The following KIAA1549L variants were observed in gnomAD, a reference collection of about 807,000 sequenced individuals.
KIAA1549L encodes UPF0606 protein KIAA1549L.
A neutral mutation model predicts 160.7 loss-of-function variants in KIAA1549L; 88 were observed. The observed-to-expected ratio is 0.55, with a 90% CI of 0.46 to 0.65. KIAA1549L has a LOEUF of 0.65. KIAA1549L is among the 30% of genes least tolerant of loss of function. The probability of loss-of-function intolerance (pLI) is 0.00; values close to 1 mark genes in which losing one functional copy is unlikely to be tolerated. For synonymous variants in KIAA1549L, 950 were observed against 976.7 expected (o/e 0.97, Z 0.51); for missense variants, 2,258 against 2,437.5 (o/e 0.93, Z 1.55).
Position 33,544,211 on chromosome 11 carries a change from C to T in KIAA1549L, c.2648C>T (p.Ala883Val). Residue 883 changes from alanine to valine, a missense_variant, in exon 2 of 21, where the codon GCT becomes GTT. This residue lies in a region of KIAA1549L where 287 missense variants were observed against 292.3 expected (regional missense o/e 0.98). Coordinates refer to ENST00000658780, the MANE Select transcript of KIAA1549L (RefSeq NM_012194.3). ...SDINSSPERN[A>V]STPFQNILGY... ...ATCAATTCATCACCTGAGAGAAATG[C>T]TTCCACACCATTCCAGAACATCTTG... 6.2e-7 allele frequency: 1 copy of T among 1,614,014 alleles called. No individual in the cohort carries two copies. The highest frequency in any genetic ancestry group is 8.5e-7 in the Non-Finnish European group (1 of 1,179,874).
At chr11:33,477,283 A>G (rs1300556417) in intron 1 of KIAA1549L, among the ~76,000 whole-genome samples, 1 of 152,140 alleles carries the variant, frequency 6.6e-6, no homozygotes, top group Non-Finnish European at 1.5e-5. Context: ...CACTTTTGGA[A>G]CACTGGGTGG....
chr11:33,522,548 G>C (rs1303841933), intron 1 of KIAA1549L, among the ~76,000 whole-genome samples: 2 of 152,118 alleles, frequency 1.3e-5, no homozygotes, highest in Admixed American at 1.3e-4. Context: ...GGGAGAAAAT[G>C]ATCAAGTACT....
At position 33,542,790 on chromosome 11, in the gene KIAA1549L, A is replaced by C; in HGVS notation, c.1227A>C (p.Thr409=). The C allele has an allele frequency of 6.2e-7, 1 of 1,613,894 alleles. No homozygotes were observed. Among genetic ancestry groups the C allele is most frequent in the Non-Finnish European group, 8.5e-7 (1 of 1,179,834 alleles). The change falls in exon 2 of 21, where the codon ACA becomes ACC. Residue 409 remains threonine, a synonymous_variant. Transcript: ENST00000658780. ...TGTCTTTGCCAACTTTTAAGAATAC[A>C]GAAACAGCGACCCATGAGGCTGAGC... The part of the protein sequence containing the change: ...NGVSLPTFKN[T]ETATHEAEPP...
intron 1 of KIAA1549L, among the ~76,000 whole-genome samples, chr11:33,525,069 A>G (rs892243553): frequency 6.6e-6 from 1 of 152,214 alleles, no homozygotes; most frequent in Non-Finnish European, 1.5e-5. Context: ...AGGAGACAGG[A>G]CTAACATGCA....
intron 16 of KIAA1549L, among the ~76,000 whole-genome samples, chr11:33,622,299 G>A (rs1030532662): frequency 3.3e-5 from 5 of 152,152 alleles, no homozygotes; most frequent in African/African-American, 1.2e-4. Context: ...GGAATTAGGC[G>A]CTCACAAAAT....
At chr11:33,624,082 G>A (rs1205677021) in intron 16 of KIAA1549L, among the ~76,000 whole-genome samples, 2 of 152,180 alleles carry the variant, frequency 1.3e-5, no homozygotes, top group East Asian at 1.9e-4. Context: ...GATTTAGGCA[G>A]CTTTTAAAGT....
intron 1 of KIAA1549L, among the ~76,000 whole-genome samples, chr11:33,517,994 G>A (rs945323339): frequency 4.6e-5 from 7 of 151,824 alleles, no homozygotes; most frequent in African/African-American, 1.5e-4. Flanking sequence ...ACAAAAATTA[G>A]CCAGGTGTGG....
At chr11:33,489,894 C>A (rs1161264510) in intron 1 of KIAA1549L, among the ~76,000 whole-genome samples, 1 of 152,144 alleles carries the variant, frequency 6.6e-6, no homozygotes, top group Non-Finnish European at 1.5e-5. Flanking sequence ...GTTATTGATT[C>A]TTGTTATATG....
chr11:33,452,113 C>T (rs546691623), intron 1 of KIAA1549L, among the ~76,000 whole-genome samples: 1 of 152,296 alleles, frequency 6.6e-6, no homozygotes, highest in South Asian at 2.1e-4. Context: ...AAGAATTAAA[C>T]AACCCCCTCC....
At chr11:33,554,739 T>C (rs1854589146) in intron 6 of KIAA1549L, among the ~76,000 whole-genome samples, 1 of 152,140 alleles carries the variant, frequency 6.6e-6, no homozygotes, top group East Asian at 1.9e-4. Context: ...CTCCTGAAAC[T>C]TGGGTGGGGC....
At chr11:33,524,919 A>G (rs1459784488) in intron 1 of KIAA1549L, among the ~76,000 whole-genome samples, 1 of 152,250 alleles carries the variant, frequency 6.6e-6, no homozygotes, top group East Asian at 1.9e-4. Flanking sequence ...TAATGCCACT[A>G]AAGCCAGATG....
chr11:33,606,447 A>T (rs956515595), intron 13 of KIAA1549L, among the ~76,000 whole-genome samples, 194 bp from the exon 14 acceptor site: 2 of 152,338 alleles, frequency 1.3e-5, no homozygotes, highest in South Asian at 4.1e-4. Flanking sequence ...CAATGGAGGG[A>T]TAAATCATAC....
intron 1 of KIAA1549L, among the ~76,000 whole-genome samples, chr11:33,518,743 T>G (rs1053775431): frequency 3.3e-5 from 5 of 152,278 alleles, no homozygotes; most frequent in Non-Finnish European, 5.9e-5. Flanking sequence ...AATCTAACTT[T>G]GGTTATTAAA....
At chr11:33,527,316 A>G (rs1263928040) in intron 1 of KIAA1549L, among the ~76,000 whole-genome samples, 1 of 152,220 alleles carries the variant, frequency 6.6e-6, no homozygotes, top group Non-Finnish European at 1.5e-5. Context: ...GATCTTCAAC[A>G]AAACAAACAA....
chr11:33,650,851 C>A (rs1470404092), intron 17 of KIAA1549L, among the ~76,000 whole-genome samples: 2 of 152,220 alleles, frequency 1.3e-5, no homozygotes, highest in South Asian at 2.1e-4. Context: ...TTTTCCTGCA[C>A]CCCGTGGAAG....
intron 1 of KIAA1549L, among the ~76,000 whole-genome samples, chr11:33,504,880 C>A (rs1256060069): frequency 6.6e-6 from 1 of 152,222 alleles, no homozygotes; most frequent in Non-Finnish European, 1.5e-5. Flanking sequence ...AATCTTCCTG[C>A]CTCAGTCTCC....
intron 1 of KIAA1549L, among the ~76,000 whole-genome samples, chr11:33,392,931 A>T (rs182370896): frequency 6.6e-6 from 1 of 151,330 alleles, no homozygotes; most frequent in African/African-American, 2.4e-5. Flanking sequence ...CTTATTTCAG[A>T]CCCTCCCTCC....
intron 19 of KIAA1549L, among the ~76,000 whole-genome samples, 178 bp downstream of exon 19, chr11:33,659,076 CT>C (rs1405585422): frequency 6.6e-6 from 1 of 152,176 alleles, no homozygotes; most frequent in African/African-American, 2.4e-5. Context: ...GATTTTCTTT[CT>C]TTTAAAGATC....
chr11:33,425,766 A>G (rs896948076), intron 1 of KIAA1549L, among the ~76,000 whole-genome samples: 3 of 152,236 alleles, frequency 2.0e-5, no homozygotes, highest in African/African-American at 7.2e-5. Context: ...TTAGCCAAAT[A>G]AAGTAATCAA....
Sources: allele counts gnomAD v4.1 joint callset (sites outside exome capture counted in the v4.1 genomes callset), GRCh38; gene constraint gnomAD v4.1.1; regional missense constraint gnomAD v4.1.1; transcripts MANE v1.5; gene names NCBI Gene and HGNC (gene_info 2026-07-23, HGNC 2026-07-21).